TCF7L1: variants seen among roughly 807,000 people sequenced by gnomAD.
TCF7L1 encodes the protein transcription factor 7-like 1.
TCF7L1 carries 18 observed loss-of-function variants against 63.7 expected under a neutral mutation model. That is an observed-to-expected ratio of 0.28 (90% CI 0.20 to 0.42). The LOEUF is 0.42. Among genes scored for constraint, TCF7L1 ranks in the 10% least tolerant of loss-of-function variants. The probability of loss-of-function intolerance (pLI) is 1.00; values close to 1 mark genes in which losing one functional copy is unlikely to be tolerated. For missense variants in TCF7L1, 654 were observed against 779.3 expected, an observed-to-expected ratio of 0.84 and a Z score of 1.91; for synonymous variants, 355 against 340.9, an observed-to-expected ratio of 1.04 and a Z score of -0.46.
chr2:85,153,340 A>ATTTTTTTTTTTTT (rs66697146), intron 3 of TCF7L1, among the ~76,000 whole-genome samples: 4,459 of 101,912 alleles, frequency 0.044, 414 homozygotes, highest in African/African-American at 0.049. Context: ...GCCTTTATAA[A>ATTTTTTTTTTTTT]TTTTTTTTTT....
chr2:85,200,788 A>G (rs562681462), intron 3 of TCF7L1, among the ~76,000 whole-genome samples: 2 of 152,336 alleles, frequency 1.3e-5, no homozygotes, highest in South Asian at 4.1e-4. Context: ...TGAGCAGCTC[A>G]CATAGAGATC....
At chr2:85,241,225 T>C (rs1680312408) in intron 3 of TCF7L1, among the ~76,000 whole-genome samples, 1 of 152,174 alleles carries the variant, frequency 6.6e-6, no homozygotes, top group African/African-American at 2.4e-5. Flanking sequence ...GTTTTTGCTC[T>C]CTTTCTTTCT....
At chr2:85,147,729 C>T (rs1677913374) in intron 3 of TCF7L1, among the ~76,000 whole-genome samples, 1 of 152,134 alleles carries the variant, frequency 6.6e-6, no homozygotes, top group African/African-American at 2.4e-5. Flanking sequence ...TAAATCTATA[C>T]ACCATATGTA....
chr2:85,140,008 G>A (rs538846668), intron 3 of TCF7L1, among the ~76,000 whole-genome samples: 1 of 152,292 alleles, frequency 6.6e-6, no homozygotes, highest in South Asian at 2.1e-4. Context: ...TCAGGGGTGA[G>A]GTGAAAAGGG....
chr2:85,264,758 C>G (rs1680930019), intron 3 of TCF7L1, among the ~76,000 whole-genome samples: 1 of 152,162 alleles, frequency 6.6e-6, no homozygotes, highest in African/African-American at 2.4e-5. Flanking sequence ...AGACCAAGCC[C>G]TGGATTTGAT....
intron 3 of TCF7L1, among the ~76,000 whole-genome samples, chr2:85,213,961 G>C (rs749649375): frequency 6.6e-6 from 1 of 152,214 alleles, no homozygotes; most frequent in South Asian, 2.1e-4. Flanking sequence ...TGGATGGGGG[G>C]CTTCCTCCCA....
chr2:85,282,641 C>G (rs1681444345), intron 3 of TCF7L1, among the ~76,000 whole-genome samples: 1 of 152,246 alleles, frequency 6.6e-6, no homozygotes, highest in Non-Finnish European at 1.5e-5. Context: ...CAGGGTCACA[C>G]AGCCTATGTT....
chr2:85,141,401 G>T (rs1024829266), intron 3 of TCF7L1, among the ~76,000 whole-genome samples: 9 of 152,160 alleles, frequency 5.9e-5, no homozygotes, highest in African/African-American at 1.9e-4. Flanking sequence ...AAGGCGCCAA[G>T]CTGCAGACTG....
intron 3 of TCF7L1, among the ~76,000 whole-genome samples, chr2:85,247,440 C>T (rs1267249020): frequency 6.6e-6 from 1 of 152,218 alleles, no homozygotes; most frequent in Non-Finnish European, 1.5e-5. Flanking sequence ...GAAGGAATCT[C>T]TTCCAATGAG....
At chr2:85,299,845 C>T (rs1198951597) in intron 4 of TCF7L1, among the ~76,000 whole-genome samples, 4 of 41,530 alleles carry the variant, frequency 9.6e-5, no homozygotes, top group East Asian at 5.3e-3. Context: ...GGCAACAGAG[C>T]GAGACCTTGT....
At chr2:85,279,056 C>G (rs148094505) in intron 3 of TCF7L1, among the ~76,000 whole-genome samples, 1 of 151,592 alleles carries the variant, frequency 6.6e-6, no homozygotes, top group Admixed American at 6.5e-5. Context: ...AGCCCAGCCA[C>G]GACACACTGG....
Position 85,281,857 on chromosome 2 carries a change from T to C in TCF7L1, c.442-1638T>C, listed in dbSNP as rs187743783. Among the ~76,000 whole-genome samples the C allele has an allele frequency of 6.6e-5, 10 of 152,330 alleles. No individual in the cohort carries two copies. In the East Asian group the frequency reaches 1.3e-3, roughly 21 times the overall value. The stretch of plus-strand genomic sequence containing the variant: ...TCCCTGCCATCTTGGTCAAGACTTA[T>C]GGTGAATGAAGAGCAAAGGGGCCTT... On this transcript the variant is annotated intron_variant, in intron 3 of 11. Coordinates refer to ENST00000282111, the MANE Select transcript of TCF7L1 (RefSeq NM_031283.3).
chr2:85,228,528 G>A (rs1235122145), intron 3 of TCF7L1, among the ~76,000 whole-genome samples: 1 of 152,146 alleles, frequency 6.6e-6, no homozygotes, highest in Non-Finnish European at 1.5e-5. Flanking sequence ...GCTGAGGAAG[G>A]GCAGCCTAGA....
intron 3 of TCF7L1, among the ~76,000 whole-genome samples, chr2:85,224,696 A>T (rs1226044927): frequency 2.0e-5 from 3 of 152,156 alleles, no homozygotes; most frequent in Admixed American, 6.5e-5. Flanking sequence ...CCTTTGTCAG[A>T]TGGATAGATT....
intron 3 of TCF7L1, among the ~76,000 whole-genome samples, chr2:85,214,560 T>G (rs1679649421): frequency 6.6e-6 from 1 of 152,166 alleles, no homozygotes; most frequent in Non-Finnish European, 1.5e-5. Flanking sequence ...TCTATGGTGA[T>G]AAAGGTTAGA....
At chr2:85,221,102 C>T (rs55915336) in intron 3 of TCF7L1, among the ~76,000 whole-genome samples, 5,605 of 152,054 alleles carry the variant, frequency 0.037, 143 homozygotes, top group Middle Eastern at 0.054. Context: ...CTGAGTAAGA[C>T]GGAAAAGATG....
Position 85,304,303 on chromosome 2 carries a change from T to G in TCF7L1, c.810T>G (p.Pro270=), listed in dbSNP as rs766174193. 7 of 1,613,908 alleles carry G rather than the reference T, an allele frequency of 4.3e-6. No homozygotes were observed. In the African/African-American group the frequency reaches 9.3e-5, roughly 22 times the overall value. ...YSLPPGGFRH[P]YPALAMNASM... is the part of the protein sequence containing the mutation. ...TTCCTCCCGGTGGCTTCCGGCACCCTTACCCCGCCCTCGCCATGAACGCCT... is the reference window on the plus strand; with the variant it reads ...TTCCTCCCGGTGGCTTCCGGCACCCGTACCCCGCCCTCGCCATGAACGCCT... Residue 270 remains proline (P), a synonymous_variant, in exon 7 of 12, where the codon CCT becomes CCG. Coordinates refer to ENST00000282111, the MANE Select transcript of TCF7L1 (RefSeq NM_031283.3).
chr2:85,295,774 A>C (rs945722419), intron 4 of TCF7L1, among the ~76,000 whole-genome samples: 16 of 78,724 alleles, frequency 2.0e-4, no homozygotes, highest in Non-Finnish European at 3.8e-4. Context: ...AGTAACATTT[A>C]CTTTTTTTTT....
At chr2:85,213,537 T>C (rs2104292365) in intron 3 of TCF7L1, 1 of 152,338 alleles carries the variant, frequency 6.6e-6, no homozygotes, top group African/African-American at 2.4e-5. Context: ...GGATTTGCCA[T>C]TTCCGGCTGA....
Sources: allele counts gnomAD v4.1 joint callset (sites outside exome capture counted in the v4.1 genomes callset), GRCh38; gene constraint gnomAD v4.1.1; transcripts MANE v1.5; gene names NCBI Gene and HGNC (gene_info 2026-07-23, HGNC 2026-07-21).